CFAP77: variants seen among roughly 807,000 people sequenced by gnomAD.
The protein encoded by CFAP77 is cilia and flagella associated protein 77, also known as cilia- and flagella-associated protein 77.
In CFAP77, 25 loss-of-function variants were observed where a neutral mutation model predicts 31.1. The observed-to-expected ratio is 0.80, with a 90% CI of 0.59 to 1.12. The LOEUF (loss-of-function observed/expected upper bound fraction) is 1.12, where lower values mean the gene tolerates loss of function less well. CFAP77 is among the 50% of genes most tolerant of loss of function. The probability of loss-of-function intolerance (pLI) is 0.00; values close to 1 mark genes in which losing one functional copy is unlikely to be tolerated. For synonymous variants in CFAP77, 151 were observed against 159.9 expected, an observed-to-expected ratio of 0.94 and a Z score of 0.42; for missense variants, 377 against 397.3, an observed-to-expected ratio of 0.95 and a Z score of 0.44.
At chr9:132,537,551 C>A in intron 3 of CFAP77, 50 bp from the exon 4 acceptor site, 1 of 1,426,918 alleles carries the variant, frequency 7.0e-7, no homozygotes, top group Non-Finnish European at 9.7e-7. Context: ...GGAGCGGGTG[C>A]CTCTGGTCTT....
At chr9:132,522,428 A>T (rs983074770) in intron 3 of CFAP77, among the ~76,000 whole-genome samples, 2 of 152,120 alleles carry the variant, frequency 1.3e-5, no homozygotes, top group Non-Finnish European at 2.9e-5. Context: ...TTTAGTGAGG[A>T]TAAATAATTA....
chr9:132,478,726 C>G (rs1851395469), intron 1 of CFAP77, among the ~76,000 whole-genome samples: 1 of 152,186 alleles, frequency 6.6e-6, no homozygotes, highest in African/African-American at 2.4e-5. Context: ...CTCATCTCAG[C>G]CTAGCCCTTT....
intron 1 of CFAP77, among the ~76,000 whole-genome samples, chr9:132,479,100 G>A (rs1486983119): frequency 6.6e-6 from 1 of 152,166 alleles, no homozygotes; most frequent in Non-Finnish European, 1.5e-5. Context: ...ATTAATTGTA[G>A]GAGCAGCACA....
intron 1 of CFAP77, among the ~76,000 whole-genome samples, chr9:132,494,473 A>T (rs1451693896): frequency 6.6e-6 from 1 of 152,124 alleles, no homozygotes; most frequent in Non-Finnish European, 1.5e-5. Flanking sequence ...TATGTCACAA[A>T]TTTTTTATCC....
chr9:132,469,958 A>G (rs1030390408), intron 1 of CFAP77, among the ~76,000 whole-genome samples: 4 of 149,218 alleles, frequency 2.7e-5, no homozygotes, highest in Admixed American at 2.7e-4. Flanking sequence ...TCCTGCCTCA[A>G]CCTCCCAAGT....
intron 1 of CFAP77, among the ~76,000 whole-genome samples, chr9:132,442,270 G>T (rs1476606712): frequency 6.6e-6 from 1 of 152,198 alleles, no homozygotes; most frequent in Non-Finnish European, 1.5e-5. Context: ...GAAAAAACAG[G>T]CTGGGCACAG....
intron 3 of CFAP77, among the ~76,000 whole-genome samples, chr9:132,514,769 GCCACAAGCC>G (rs1001678377): frequency 3.3e-5 from 5 of 152,202 alleles, no homozygotes; most frequent in Non-Finnish European, 7.3e-5. Context: ...TTAAAAAGTA[GCCACAAGCC>G]CAGAGGTCCT....
intron 3 of CFAP77, among the ~76,000 whole-genome samples, chr9:132,509,773 A>T (rs1852000431): frequency 6.6e-6 from 1 of 152,076 alleles, no homozygotes. Context: ...TGTCTCAAAC[A>T]ACAAACAAAA....
rs562350 is a variant in CFAP77, at chr9:132,499,511, T to C, written c.435T>C (p.Asn145=). The part of the protein sequence containing the change: ...ARENLLYRQL[N]DIRISDQDDR... Reference sequence around the variant, plus strand: ...AGAACTTGCTCTACCGTCAGCTCAATGACATCCGCATCAGTGACCAGGATG... The same window carrying C: ...AGAACTTGCTCTACCGTCAGCTCAACGACATCCGCATCAGTGACCAGGATG... Residue 145 remains asparagine (N), a synonymous_variant, in exon 3 of 6, where the codon AAT becomes AAC. Coordinates refer to ENST00000393216, the MANE Select transcript of CFAP77 (RefSeq NM_001282957.2). This position sits in a 1 kb window ranked among gnomAD's most constrained non-coding sequence, Gnocchi z 5.4. The C allele has an allele frequency of 0.56, 910,043 of 1,613,932 alleles. 261,295 individuals carry two copies. Among genetic ancestry groups the C allele is most frequent in the East Asian group, 0.81 (36,548 of 44,860 alleles).
At chr9:132,561,319 T>A (rs950161113) in intron 5 of CFAP77, among the ~76,000 whole-genome samples, 1 of 151,942 alleles carries the variant, frequency 6.6e-6, no homozygotes, top group African/African-American at 2.4e-5. Flanking sequence ...TGTCATTATT[T>A]TTTTTTTTTA....
intron 1 of CFAP77, among the ~76,000 whole-genome samples, chr9:132,444,390 C>T (rs748009656): frequency 5.1e-4 from 78 of 152,320 alleles, no homozygotes; most frequent in Middle Eastern, 3.4e-3. Flanking sequence ...TGAGAATCTG[C>T]CTTATTATGG....
intron 1 of CFAP77, among the ~76,000 whole-genome samples, chr9:132,447,853 C>T (rs1187704858): frequency 6.6e-6 from 1 of 152,144 alleles, no homozygotes; most frequent in African/African-American, 2.4e-5. Flanking sequence ...TAAAACCACC[C>T]AACATTCAAA....
chr9:132,437,712 C>T (rs1391576776), intron 1 of CFAP77, among the ~76,000 whole-genome samples: 1 of 151,156 alleles, frequency 6.6e-6, no homozygotes, highest in African/African-American at 2.4e-5. Flanking sequence ...AGGGTTTCAC[C>T]ATGTTAGCCA....
At chr9:132,536,101 A>T (rs1471700744) in intron 3 of CFAP77, among the ~76,000 whole-genome samples, 1 of 152,088 alleles carries the variant, frequency 6.6e-6, no homozygotes, top group Non-Finnish European at 1.5e-5. Flanking sequence ...TATCTATCTT[A>T]TATATATGGG....
At chr9:132,447,449 G>T (rs1490147143) in intron 1 of CFAP77, among the ~76,000 whole-genome samples, 1 of 152,236 alleles carries the variant, frequency 6.6e-6, no homozygotes, top group African/African-American at 2.4e-5. Flanking sequence ...TCAGACTAGT[G>T]TAAGGTGGCC....
chr9:132,495,584 T>C lies in CFAP77; in HGVS notation c.196-3111T>C, dbSNP rs146549108. Among the ~76,000 whole-genome samples, 34 of 152,134 alleles carry C rather than the reference T, an allele frequency of 2.2e-4. No homozygotes were observed. The highest frequency in any genetic ancestry group is 6.5e-4 in the Admixed American group (10 of 15,272). Reference sequence around the variant, plus strand: ...AGAGCCCCATCACTCTTGAGGAACATTGGGGTCTGGGATTTGAGATGGAAA... The same window carrying C: ...AGAGCCCCATCACTCTTGAGGAACACTGGGGTCTGGGATTTGAGATGGAAA... On this transcript the variant is annotated intron_variant, in intron 1 of 5. Transcript: ENST00000393216. This position sits in a 1 kb window ranked among gnomAD's most constrained non-coding sequence, Gnocchi z 4.2.
At chr9:132,486,079 TATATATA>T (rs1851548363) in intron 1 of CFAP77, among the ~76,000 whole-genome samples, 3 of 21,684 alleles carry the variant, frequency 1.4e-4, no homozygotes, top group Non-Finnish European at 2.3e-4. Context: ...TATATATATA[TATATATA>T]TATATTTTTT....
In CFAP77 at chr9:132,424,214, T is replaced by C. The variant is rs1345123547; in HGVS notation, c.195+13748T>C. 6.6e-6 allele frequency among the ~76,000 whole-genome samples: 1 copy of C among 152,166 alleles called. No homozygotes were observed. The highest frequency in any genetic ancestry group is 1.5e-5 in the Non-Finnish European group (1 of 68,030). ...TGAGGTCAGGAGATGGAGACCATCCTGGCTAACACGGTGAAATCTGTCTCC... is the reference window on the plus strand; with the variant it reads ...TGAGGTCAGGAGATGGAGACCATCCCGGCTAACACGGTGAAATCTGTCTCC... On this transcript the variant is annotated intron_variant, in intron 1 of 5. Transcript: ENST00000393216. This position sits in a 1 kb window ranked among gnomAD's most constrained non-coding sequence, Gnocchi z 4.1.
At chr9:132,414,530 C>G (rs1589835852) in intron 1 of CFAP77, among the ~76,000 whole-genome samples, 1 of 151,888 alleles carries the variant, frequency 6.6e-6, no homozygotes, top group Non-Finnish European at 1.5e-5. Flanking sequence ...CACACACACA[C>G]ACACACACAC....
Sources: gnomAD v4.1 joint callset for allele counts (sites outside exome capture counted in the v4.1 genomes callset) on GRCh38, gnomAD v4.1.1 for gene constraint, Gnocchi (gnomAD v3.1) non-coding constraint, MANE v1.5 for transcripts, NCBI Gene and HGNC (gene_info 2026-07-23, HGNC 2026-07-21) for gene names.